Variants in CDH13 observed in about 807,000 individuals in gnomAD.
The protein encoded by CDH13 is cadherin-13.
CDH13 carries 24 observed loss-of-function variants against 63.8 expected under a neutral mutation model. The observed-to-expected ratio is 0.38, with a 90% CI of 0.27 to 0.53. The LOEUF (loss-of-function observed/expected upper bound fraction) is 0.53. Ranked by LOEUF, CDH13 falls within the 20% of genes least tolerant of loss-of-function variation. CDH13 has a pLI of 0.85. For synonymous variants in CDH13, 503 were observed against 355.3 expected (o/e 1.42, Z -4.67); for missense variants, 1,049 against 903.1 (o/e 1.16, Z -2.07).
intron 3 of CDH13, among the ~76,000 whole-genome samples, chr16:83,112,664 C>G (rs1441262053): frequency 1.3e-5 from 2 of 152,050 alleles, no homozygotes; most frequent in Non-Finnish European, 2.9e-5. Flanking sequence ...TTGATTATTT[C>G]TCTGCACTGT....
chr16:82,840,911 C>G (rs72807823), intron 1 of CDH13, among the ~76,000 whole-genome samples: 34,142 of 152,034 alleles, frequency 0.22, 4,512 homozygotes, highest in Non-Finnish European at 0.3. Flanking sequence ...AGGTGCTTGG[C>G]AAGGTCAGAA....
chr16:82,987,400 G>T (rs1911077704), intron 2 of CDH13, among the ~76,000 whole-genome samples: 1 of 152,072 alleles, frequency 6.6e-6, no homozygotes, highest in Non-Finnish European at 1.5e-5. Context: ...ACTTTGAGAT[G>T]GAGTCTTGAT....
intron 3 of CDH13, among the ~76,000 whole-genome samples, chr16:83,070,211 A>G (rs1027764212): frequency 3.3e-5 from 5 of 152,296 alleles, no homozygotes; most frequent in Non-Finnish European, 2.9e-5. Context: ...ACTATCCTTT[A>G]AAAACTCACT....
intron 6 of CDH13, among the ~76,000 whole-genome samples, chr16:83,484,881 C>T (rs7205325): frequency 0.11 from 17,296 of 152,162 alleles, 1,054 homozygotes; most frequent in Non-Finnish European, 0.13. Context: ...CTTCAAGTTG[C>T]TACCTAGACC....
At chr16:83,216,571 G>T (rs974530424) in intron 4 of CDH13, among the ~76,000 whole-genome samples, 1 of 137,512 alleles carries the variant, frequency 7.3e-6, no homozygotes, top group Admixed American at 7.6e-5. Flanking sequence ...TAATATGTAG[G>T]GTTTAATATA....
intron 2 of CDH13, among the ~76,000 whole-genome samples, chr16:82,862,390 C>G (rs1434903358): frequency 1.3e-5 from 2 of 152,164 alleles, no homozygotes; most frequent in Admixed American, 1.3e-4. Flanking sequence ...GCTTTGATAC[C>G]ATCAGCTCAG....
chr16:83,780,170 T>G lies in CDH13; in HGVS notation c.1884T>G (p.Pro628=), dbSNP rs2151008144. 1 of 1,605,636 alleles carries G rather than the reference T, an allele frequency of 6.2e-7. No individual in the cohort carries two copies. Among genetic ancestry groups the G allele is most frequent in the Non-Finnish European group, 8.5e-7 (1 of 1,175,128 alleles). Residue 628 remains proline (P), a synonymous_variant, in exon 12 of 14, where the codon CCT becomes CCG. Transcript: ENST00000567109. ...TTGAAATCCACAAACAAGCTGTTCC[T>G]GATAAAGTCTGGAAGATCTCCAAGA... ...FKFEIHKQAV[P]DKVWKISKIN... is the part of the protein sequence containing the mutation.
intron 10 of CDH13, among the ~76,000 whole-genome samples, chr16:83,736,631 A>T (rs1234989215): frequency 1.3e-5 from 2 of 150,922 alleles, no homozygotes; most frequent in African/African-American, 4.9e-5. Flanking sequence ...GTATTCACGT[A>T]GGTTTCAAAA....
intron 7 of CDH13, among the ~76,000 whole-genome samples, chr16:83,583,253 C>G (rs1485718262): frequency 6.6e-6 from 1 of 152,206 alleles, no homozygotes; most frequent in Admixed American, 6.5e-5. Context: ...AGATCTTTAA[C>G]TTAATTACAT....
chr16:83,269,062 GT>G (rs1294654851), intron 5 of CDH13, among the ~76,000 whole-genome samples: 1 of 152,198 alleles, frequency 6.6e-6, no homozygotes, highest in Admixed American at 6.5e-5. Context: ...TACTGTTGGT[GT>G]TTTAAACAGA....
intron 5 of CDH13, among the ~76,000 whole-genome samples, chr16:83,335,698 T>A (rs759266020): frequency 1.1e-4 from 17 of 152,174 alleles, no homozygotes; most frequent in African/African-American, 1.7e-4. Flanking sequence ...ATCTATAGGT[T>A]ACAGAAATTG....
At chr16:82,827,615 C>T (rs1369577295) in intron 1 of CDH13, among the ~76,000 whole-genome samples, 1 of 152,080 alleles carries the variant, frequency 6.6e-6, no homozygotes, top group South Asian at 2.1e-4. Context: ...AACGTCTGAC[C>T]CCTTTCATCT....
At chr16:82,799,485 G>A (rs1038649153) in intron 1 of CDH13, among the ~76,000 whole-genome samples, 2 of 152,172 alleles carry the variant, frequency 1.3e-5, no homozygotes, top group African/African-American at 2.4e-5. Flanking sequence ...GCAGCTCATC[G>A]TTAAGGAGAT....
At chr16:83,342,816 C>G (rs1027401404) in intron 5 of CDH13, among the ~76,000 whole-genome samples, 1 of 86,498 alleles carries the variant, frequency 1.2e-5, no homozygotes, top group Non-Finnish European at 2.4e-5. Context: ...TATTTGTTAT[C>G]TTTAGGCACA....
intron 1 of CDH13, among the ~76,000 whole-genome samples, chr16:82,646,647 A>G (rs1338762529): frequency 1.3e-5 from 2 of 152,180 alleles, no homozygotes; most frequent in African/African-American, 4.8e-5. Context: ...GTGGGTTGTG[A>G]GCGATGCTTT....
At chr16:83,336,494 A>G (rs576962993) in intron 5 of CDH13, among the ~76,000 whole-genome samples, 2 of 152,236 alleles carry the variant, frequency 1.3e-5, no homozygotes, top group Admixed American at 1.3e-4. Context: ...CAGGTGAGAG[A>G]TATCTTATCT....
intron 7 of CDH13, among the ~76,000 whole-genome samples, chr16:83,524,671 C>G (rs571320930): frequency 3.5e-4 from 53 of 152,050 alleles, no homozygotes; most frequent in African/African-American, 1.2e-3. Context: ...CCAGGATGGT[C>G]TCGATCTCCT....
At chr16:82,746,407 G>A (rs1294531486) in intron 1 of CDH13, among the ~76,000 whole-genome samples, 1 of 151,948 alleles carries the variant, frequency 6.6e-6, no homozygotes, top group Non-Finnish European at 1.5e-5. Flanking sequence ...ATTGAAAGTA[G>A]AAGGTGTCCC....
At chr16:83,089,988 C>G (rs917841063) in intron 3 of CDH13, among the ~76,000 whole-genome samples, 1 of 152,144 alleles carries the variant, frequency 6.6e-6, no homozygotes. Context: ...TCTAAGATCC[C>G]TCACATTTGA....
Sources: allele counts gnomAD v4.1 joint callset (sites outside exome capture counted in the v4.1 genomes callset), GRCh38; gene constraint gnomAD v4.1.1; transcripts MANE v1.5; gene names NCBI Gene and HGNC (gene_info 2026-07-23, HGNC 2026-07-21).